Variants in CEP170 observed in about 807,000 individuals in gnomAD.
The protein encoded by CEP170 is centrosomal protein 170, also known as centrosomal protein of 170 kDa.
A neutral mutation model predicts 151.9 loss-of-function variants in CEP170; 21 were observed. That is an observed-to-expected ratio of 0.14 (90% confidence interval 0.10 to 0.20). The LOEUF (loss-of-function observed/expected upper bound fraction) is 0.20. Ranked by LOEUF, CEP170 falls within the 10% of genes least tolerant of loss-of-function variation. CEP170 has a pLI of 1.00. For synonymous variants in CEP170, 356 were observed against 648.8 expected (o/e 0.55, Z 6.86); for missense variants, 964 against 1,892.9 (o/e 0.51, Z 9.11).
intron 7 of CEP170, among the ~76,000 whole-genome samples, chr1:243,197,096 TA>T (rs1214494308): frequency 6.6e-6 from 1 of 151,874 alleles, no homozygotes; most frequent in African/African-American, 2.4e-5. Flanking sequence ...ACAAAGAAAA[TA>T]AAGATCAGTT....
chr1:243,171,122 T>C (rs1417113964), intron 11 of CEP170, among the ~76,000 whole-genome samples: 1 of 152,120 alleles, frequency 6.6e-6, no homozygotes, highest in African/African-American at 2.4e-5. Context: ...AAGAAGAGAG[T>C]CTATTTAAAT....
Position 243,164,603 on chromosome 1 carries a change from A to G in CEP170, c.3357T>C (p.Ala1119=). The change falls in exon 13 of 20, where the codon GCT becomes GCC. Residue 1119 remains alanine (A), a synonymous_variant. Coordinates refer to ENST00000366542, the MANE Select transcript of CEP170 (RefSeq NM_014812.3). ...CTTCAGAAGCAACAGATGCTTTGTC[A>G]GCATCAGCAAGTTCACTGTCTGAAG... The part of the protein sequence containing the change: ...GEASDSELAD[A]DKASVASEVS... The G allele has an allele frequency of 6.2e-7, 1 of 1,613,794 alleles. No homozygotes were observed. Among genetic ancestry groups the G allele is most frequent in the Non-Finnish European group, 8.5e-7 (1 of 1,179,730 alleles).
rs185359219 is a variant in CEP170 at position 243,172,152 on chromosome 1, A to T, written c.1716+545T>A. ...AGAACCATGAGCATATAGCTCATTA[A>T]CTGCTTACTGAAACCTAATATTTTC... On this transcript the variant is annotated intron_variant, in intron 11 of 19. Transcript: ENST00000366542. Among the ~76,000 whole-genome samples the T allele has an allele frequency of 9.8e-4, 150 of 152,328 alleles. 1 individual carries two copies. The highest frequency in any genetic ancestry group is 7.7e-3 in the Admixed American group (118 of 15,302).
intron 17 of CEP170, among the ~76,000 whole-genome samples, chr1:243,132,437 TTAA>T (rs1035271958): frequency 2.0e-5 from 3 of 152,338 alleles, no homozygotes; most frequent in Admixed American, 1.3e-4. Context: ...TGGAAACTCT[TTAA>T]TAATAGAAAT....
At chr1:243,177,267 G>C (rs2059318300) in intron 10 of CEP170, among the ~76,000 whole-genome samples, 1 of 152,126 alleles carries the variant, frequency 6.6e-6, no homozygotes, top group African/African-American at 2.4e-5. Context: ...ATACAATGTA[G>C]AGCAAAATGA....
At chr1:243,174,506 A>G (rs1356858269) in intron 10 of CEP170, among the ~76,000 whole-genome samples, 1 of 152,182 alleles carries the variant, frequency 6.6e-6, no homozygotes, top group African/African-American at 2.4e-5. Context: ...TCTAAAGTTC[A>G]TATTTAGTGA....
intron 1 of CEP170, among the ~76,000 whole-genome samples, chr1:243,251,506 T>G (rs1333335768): frequency 4.6e-5 from 7 of 152,162 alleles, no homozygotes; most frequent in Admixed American, 4.6e-4. Context: ...AATAATACCT[T>G]AATTTAGAAG....
intron 4 of CEP170, among the ~76,000 whole-genome samples, chr1:243,205,963 A>G (rs918958665): frequency 1.3e-5 from 2 of 152,108 alleles, no homozygotes; most frequent in Admixed American, 6.6e-5. Flanking sequence ...GAAAAAAGAA[A>G]GAAGAAAGAA....
chr1:243,175,367 G>T (rs1041379174), intron 10 of CEP170, among the ~76,000 whole-genome samples: 1 of 152,216 alleles, frequency 6.6e-6, no homozygotes, highest in African/African-American at 2.4e-5. Context: ...ACCTACTACA[G>T]TGTGGGGAAA....
intron 10 of CEP170, among the ~76,000 whole-genome samples, chr1:243,173,435 T>C (rs2059001014): frequency 6.6e-6 from 1 of 151,934 alleles, no homozygotes; most frequent in Admixed American, 6.6e-5. Flanking sequence ...ACATATTTTA[T>C]TTGTTAAAAG....
intron 1 of CEP170, among the ~76,000 whole-genome samples, chr1:243,230,607 AAG>A (rs1374984234): frequency 1.3e-5 from 2 of 152,200 alleles, no homozygotes; most frequent in Non-Finnish European, 2.9e-5. Context: ...AGACTAACTG[AAG>A]TAAGAAAAAC....
intron 1 of CEP170, among the ~76,000 whole-genome samples, chr1:243,231,185 ATCATCAT>A (rs1442668322): frequency 2.3e-5 from 3 of 129,804 alleles, no homozygotes; most frequent in Non-Finnish European, 3.5e-5. Flanking sequence ...CATCATCATC[ATCATCAT>A]TATTATTATT....
Position 243,164,337 on chromosome 1 carries a change from C to T in CEP170, c.3623G>A (p.Arg1208Gln), listed in dbSNP as rs576711209. ...SPRIRANSIS[R>Q]LSDSKVKSMT... ...ACTTTTGACCTTGGAGTCTGAGAGTCGAGAGATACTGTTAGCTCTAATTCT... is the reference window on the plus strand; with the variant it reads ...ACTTTTGACCTTGGAGTCTGAGAGTTGAGAGATACTGTTAGCTCTAATTCT... The change falls in exon 13 of 20, where the codon CGA becomes CAA. Residue 1208 changes from arginine (R) to glutamine (Q), a missense_variant. Physicochemically the swap from Arg to Gln is conservative, Grantham distance 43. Transcript: ENST00000366542. The T allele has an allele frequency of 7.8e-6, 12 of 1,529,452 alleles. No individual in the cohort carries two copies. Among genetic ancestry groups the T allele is most frequent in the Non-Finnish European group, 1.1e-5 (12 of 1,138,530 alleles). The allele number at this position is 1,529,452 out of a possible 1,614,324, so 94.7% of individuals were successfully genotyped here. A position where few individuals can be genotyped will look rare whatever the true frequency, so the allele number is the denominator to read the frequency against.
intron 11 of CEP170, among the ~76,000 whole-genome samples, chr1:243,170,154 G>A (rs1460739704): frequency 1.3e-5 from 2 of 152,156 alleles, no homozygotes; most frequent in East Asian, 1.9e-4. Context: ...TTGGGAGGCC[G>A]AGGCAGGTGG....
intron 3 of CEP170, among the ~76,000 whole-genome samples, chr1:243,220,916 C>T (rs2062742251): frequency 6.6e-6 from 1 of 152,096 alleles, no homozygotes; most frequent in African/African-American, 2.4e-5. Flanking sequence ...TGAACAATGG[C>T]GGTTAGATAA....
Position 243,165,814 on chromosome 1 carries a change from T to C in CEP170, c.2146A>G (p.Asn716Asp). The C allele has an allele frequency of 1.2e-6, 2 of 1,614,060 alleles. No homozygotes were observed. The highest frequency in any genetic ancestry group is 2.2e-5 in the East Asian group (1 of 44,888). The change falls in exon 13 of 20, where the codon AAT becomes GAT. Residue 716 changes from asparagine (N) to aspartate (D), a missense_variant. Physicochemically the swap from Asn to Asp is conservative, Grantham distance 23. Coordinates refer to ENST00000366542, the MANE Select transcript of CEP170 (RefSeq NM_014812.3). Reference protein sequence around the residue: ...NGETLKTGGDNKTLLHLGSSA... With the variant: ...NGETLKTGGDDKTLLHLGSSA... ...CTGCCTAAGTGAAGTAGGGTTTTATTATCTCCACCAGTTTTGAGAGTCTCT... is the reference window on the plus strand; with the variant it reads ...CTGCCTAAGTGAAGTAGGGTTTTATCATCTCCACCAGTTTTGAGAGTCTCT...
At chr1:243,140,177 T>A in intron 15 of CEP170, 70 bp from the exon 16 acceptor site, 2 of 1,551,770 alleles carry the variant, frequency 1.3e-6, no homozygotes, top group Middle Eastern at 1.7e-4. Flanking sequence ...GGCATTACAA[T>A]TTTTATGATT....
chr1:243,253,359 T>G (rs1191202187), intron 1 of CEP170: 1 of 152,220 alleles, frequency 6.6e-6, no homozygotes, highest in Non-Finnish European at 1.5e-5. Flanking sequence ...GTAAAAGGGC[T>G]AGGGGGACAC....
At position 243,254,187 on chromosome 1, in the gene CEP170, A is replaced by AAAATAAATAAATAAAT. The variant is rs139268057; in HGVS notation, c.-42+837_-42+852dup. Among the ~76,000 whole-genome samples the AAAATAAATAAATAAAT allele has an allele frequency of 2.5e-3, 377 of 148,782 alleles. 1 individual carries two copies. The highest frequency in any genetic ancestry group is 8.4e-3 in the African/African-American group (334 of 39,928). ...AGTCCCTGTCTTCCTTACATTCCTC[A>AAAATAAATAAATAAAT]AAATAAATAAATAAATAAATAAATA... On this transcript the variant is annotated intron_variant, in intron 1 of 19. Coordinates refer to ENST00000366542, the MANE Select transcript of CEP170 (RefSeq NM_014812.3).
Sources: gnomAD v4.1 joint callset for allele counts (sites outside exome capture counted in the v4.1 genomes callset) on GRCh38, gnomAD v4.1.1 for gene constraint, MANE v1.5 for transcripts, NCBI Gene and HGNC (gene_info 2026-07-23, HGNC 2026-07-21) for gene names.